The following STMN2 variants were observed in gnomAD, a reference collection of about 807,000 sequenced individuals.
The protein encoded by STMN2 is stathmin-2.
A neutral mutation model predicts 24.1 loss-of-function variants in STMN2; 2 were observed. That is an observed-to-expected ratio of 0.08 (90% CI 0.03 to 0.26). STMN2 has a LOEUF of 0.26. STMN2 is among the 10% of genes least tolerant of loss of function. The pLI, the probability that STMN2 is intolerant of heterozygous loss-of-function variation, is 1.00. For missense variants in STMN2, 114 were observed against 213.6 expected (o/e 0.53, Z 2.91); for synonymous variants, 83 against 77.5 (o/e 1.07, Z -0.37).
intron 1 of STMN2, among the ~76,000 whole-genome samples, chr8:79,617,816 A>T (rs1039542343): frequency 3.9e-5 from 6 of 152,208 alleles, no homozygotes; most frequent in Admixed American, 3.3e-4. Context: ...TCTCTATGGG[A>T]AGTAACTTTT....
intron 4 of STMN2, among the ~76,000 whole-genome samples, chr8:79,659,106 G>T (rs966344681): frequency 6.6e-6 from 1 of 152,182 alleles, no homozygotes; most frequent in Non-Finnish European, 1.5e-5. Context: ...CTCCAAAGAA[G>T]AATGTTACAC....
intron 3 of STMN2, among the ~76,000 whole-genome samples, chr8:79,648,003 A>T (rs1416805780): frequency 1.3e-5 from 2 of 152,260 alleles, no homozygotes; most frequent in Non-Finnish European, 2.9e-5. Flanking sequence ...CGTTGTTTTG[A>T]TACCATTATT....
chr8:79,611,585 T>A (rs1428711860), intron 1 of STMN2: 5 of 235,766 alleles, frequency 2.1e-5, no homozygotes, highest in Non-Finnish European at 3.8e-5. Context: ...TTTTTTTTTT[T>A]TATTTCTTCT....
At chr8:79,635,930 A>AAAGC (rs1303339086) in intron 1 of STMN2, among the ~76,000 whole-genome samples, 1 of 152,240 alleles carries the variant, frequency 6.6e-6, no homozygotes, top group East Asian at 1.9e-4. Context: ...AGAAAGAAAG[A>AAAGC]AAGAGGCTGG....
intron 2 of STMN2, 39 bp downstream of exon 2, chr8:79,636,936 T>C: frequency 6.4e-7 from 1 of 1,574,694 alleles, no homozygotes; most frequent in South Asian, 1.1e-5. Context: ...GCTAGCTAGA[T>C]CATTTGGAAA....
At chr8:79,612,213 G>A (rs1202375247) in intron 1 of STMN2, among the ~76,000 whole-genome samples, 2 of 152,192 alleles carry the variant, frequency 1.3e-5, no homozygotes, top group Non-Finnish European at 2.9e-5. Flanking sequence ...GCTTCCAAGA[G>A]AGACCTGACC....
At chr8:79,633,980 G>A (rs147582308) in intron 1 of STMN2, among the ~76,000 whole-genome samples, 192 of 152,218 alleles carry the variant, frequency 1.3e-3, no homozygotes, top group Non-Finnish European at 2.1e-3. Context: ...AAAAATTCAC[G>A]TTCCGATACA....
intron 1 of STMN2, among the ~76,000 whole-genome samples, chr8:79,614,924 CT>C: frequency 6.6e-6 from 1 of 152,266 alleles, no homozygotes; most frequent in Middle Eastern, 3.4e-3. Flanking sequence ...CACAATATGA[CT>C]TCCATCAAAT....
In STMN2 at chr8:79,664,812, T is replaced by C; in HGVS notation, c.481-3T>C. On this transcript the variant is annotated splice_region_variant and splice_polypyrimidine_tract_variant and intron_variant, in intron 4 of 4. Coordinates refer to ENST00000220876, the MANE Select transcript of STMN2 (RefSeq NM_007029.4). ...CATTTCTTCTTCCTTTTGTGTTTTTTAGGAGAGGCATGCTGCGGAGGTGCG... is the reference window on the plus strand; with the variant it reads ...CATTTCTTCTTCCTTTTGTGTTTTTCAGGAGAGGCATGCTGCGGAGGTGCG... 3.1e-6 allele frequency: 5 copies of C among 1,612,506 alleles called. No individual in the cohort carries two copies. The highest frequency in any genetic ancestry group is 1.7e-4 in the Middle Eastern group (1 of 6,052).
chr8:79,611,623 G>A (rs769151633), intron 1 of STMN2: 1 of 245,074 alleles, frequency 4.1e-6, no homozygotes, highest in Non-Finnish European at 6.8e-6. Flanking sequence ...TAGGAAAGGG[G>A]TAAAGGGAAG....
At chr8:79,612,553 G>A (rs938418819) in intron 1 of STMN2, among the ~76,000 whole-genome samples, 5 of 152,208 alleles carry the variant, frequency 3.3e-5, no homozygotes, top group African/African-American at 1.2e-4. Flanking sequence ...AGACAGTGGA[G>A]ACACAGGATG....
chr8:79,641,637 C>CACAG, intron 3 of STMN2, 87 bp downstream of exon 3: 1 of 450,186 alleles, frequency 2.2e-6, no homozygotes, highest in Non-Finnish European at 3.6e-6. Context: ...CGCACACACA[C>CACAG]ACACACACAC....
intron 3 of STMN2, among the ~76,000 whole-genome samples, chr8:79,648,013 T>G (rs1046674672): frequency 1.3e-5 from 2 of 152,246 alleles, no homozygotes; most frequent in African/African-American, 4.8e-5. Flanking sequence ...ATACCATTAT[T>G]AATTATTTCT....
At chr8:79,645,805 C>G (rs1405001241) in intron 3 of STMN2, among the ~76,000 whole-genome samples, 2 of 152,170 alleles carry the variant, frequency 1.3e-5, no homozygotes, top group African/African-American at 4.8e-5. Context: ...ATCTCTCACT[C>G]TCGTTCATGG....
At chr8:79,660,751 C>A (rs920660872) in intron 4 of STMN2, among the ~76,000 whole-genome samples, 5 of 152,006 alleles carry the variant, frequency 3.3e-5, no homozygotes, top group African/African-American at 4.8e-5. Context: ...GCACCCAATA[C>A]CCAAGCAGTG....
chr8:79,637,609 A>G (rs1314253225), intron 2 of STMN2, among the ~76,000 whole-genome samples: 1 of 152,186 alleles, frequency 6.6e-6, no homozygotes, highest in Non-Finnish European at 1.5e-5. Flanking sequence ...TGTGAGGTTT[A>G]AACGGTTTAA....
chr8:79,620,401 A>G (rs1217221465), intron 1 of STMN2, among the ~76,000 whole-genome samples: 1 of 152,016 alleles, frequency 6.6e-6, no homozygotes. Flanking sequence ...CTTCAGTTTA[A>G]AGTCATTGAT....
At chr8:79,624,298 C>CA (rs1382494019) in intron 1 of STMN2, among the ~76,000 whole-genome samples, 1 of 151,232 alleles carries the variant, frequency 6.6e-6, no homozygotes, top group East Asian at 1.9e-4. Flanking sequence ...ACTAAAAGTA[C>CA]AAAAAATTAG....
chr8:79,646,972 A>G (rs1477130224), intron 3 of STMN2, among the ~76,000 whole-genome samples: 2 of 152,052 alleles, frequency 1.3e-5, no homozygotes, highest in African/African-American at 4.8e-5. Flanking sequence ...GGAGTTGGAG[A>G]GTAGCGAGGT....
Sources: gnomAD v4.1 joint callset for allele counts (sites outside exome capture counted in the v4.1 genomes callset) on GRCh38, gnomAD v4.1.1 for gene constraint, MANE v1.5 for transcripts, NCBI Gene and HGNC (gene_info 2026-07-23, HGNC 2026-07-21) for gene names.